Variants in FRK observed in about 807,000 individuals in gnomAD.
FRK encodes tyrosine-protein kinase FRK.
In FRK, 51 loss-of-function variants were observed where a neutral mutation model predicts 56.4. The observed-to-expected ratio is 0.90, with a 90% CI of 0.72 to 1.14. FRK has a LOEUF of 1.14. FRK is among the 50% of genes most tolerant of loss of function. FRK has a pLI of 0.00. For synonymous variants in FRK, 245 were observed against 217.9 expected, an observed-to-expected ratio of 1.12 and a Z score of -1.10; for missense variants, 570 against 601.4, an observed-to-expected ratio of 0.95 and a Z score of 0.55.
chr6:116,057,305 A>G (rs897546619), intron 1 of FRK, among the ~76,000 whole-genome samples: 1 of 152,242 alleles, frequency 6.6e-6, no homozygotes, highest in African/African-American at 2.4e-5. Flanking sequence ...AGACTTTTGA[A>G]AAAACTCACT....
In FRK at chr6:115,956,561, GTTC is replaced by G. The variant is rs755081824; in HGVS notation, c.846_848del (p.Lys282del). 13 of 1,589,528 alleles carry G rather than the reference GTTC, an allele frequency of 8.2e-6. No individual in the cohort carries two copies. Among genetic ancestry groups the G allele is most frequent in the Non-Finnish European group, 4.3e-6 (5 of 1,168,646 alleles). On this transcript the variant is annotated inframe_deletion, in exon 5 of 8. Transcript: ENST00000606080. ...GCTGGATAAGCTTTGGATGTCTTAG[GTTC>G]TTCATTATCTGTGCCTCCCTCAGGA...
At chr6:116,000,380 T>C (rs557252367) in intron 2 of FRK, among the ~76,000 whole-genome samples, 4 of 151,908 alleles carry the variant, frequency 2.6e-5, no homozygotes, top group Admixed American at 6.6e-5. Flanking sequence ...GTAGCTGGAA[T>C]TACAGGTGTG....
the FRK span, among the ~76,000 whole-genome samples, chr6:116,075,097 A>G: frequency 1.8e-4 from 28 of 152,024 alleles, no homozygotes; most frequent in East Asian, 4.1e-3. Flanking sequence ...TCTTTTTCCC[A>G]CTTGCTTGTT....
the FRK span, among the ~76,000 whole-genome samples, chr6:116,095,849 A>T: frequency 6.6e-6 from 1 of 152,222 alleles, no homozygotes; most frequent in Non-Finnish European, 1.5e-5. Context: ...TCTTAGGGGA[A>T]GAGTGTTGCT....
intron 1 of FRK, among the ~76,000 whole-genome samples, chr6:116,058,133 A>T (rs1353894567): frequency 6.6e-6 from 1 of 152,188 alleles, no homozygotes. Flanking sequence ...AAACATTAAT[A>T]TATTATTATT....
upstream of FRK, among the ~76,000 whole-genome samples, chr6:116,065,473 C>A (rs966644314): frequency 6.6e-6 from 1 of 152,208 alleles, no homozygotes; most frequent in Non-Finnish European, 1.5e-5. Context: ...CTTCTGCATA[C>A]CTGTTGACCT....
chr6:115,982,842 C>T (rs1472586648), intron 2 of FRK, among the ~76,000 whole-genome samples: 4 of 151,946 alleles, frequency 2.6e-5, no homozygotes, highest in Admixed American at 6.6e-5. Context: ...GAGGCTGAAG[C>T]GGGTGGATCA....
chr6:116,059,830 A>T, intron 1 of FRK, 138 bp downstream of exon 1: 1 of 722,140 alleles, frequency 1.4e-6, no homozygotes, highest in Non-Finnish European at 2.3e-6. Flanking sequence ...TGTTTCAATT[A>T]GTGGTTTCTT....
At chr6:116,069,138 T>G in the FRK span, among the ~76,000 whole-genome samples, 1 of 152,212 alleles carries the variant, frequency 6.6e-6, no homozygotes, top group African/African-American at 2.4e-5. Context: ...GCAGCAACAT[T>G]ATTTTAGCAA....
At chr6:116,091,489 C>T in the FRK span, among the ~76,000 whole-genome samples, 97 of 152,250 alleles carry the variant, frequency 6.4e-4, 1 homozygote, top group South Asian at 0.019. Flanking sequence ...TAACACTCAC[C>T]GCGAAGGTCC....
Position 115,939,917 on chromosome 6 carries a change from T to A in FRK, c.*2497A>T, listed in dbSNP as rs996436828. Reference sequence around the variant, plus strand: ...TGGCCATATTGCCCAAGGCAATTTATATATTCAGTGCTATCCCCATCAAAC... The same window carrying A: ...TGGCCATATTGCCCAAGGCAATTTAAATATTCAGTGCTATCCCCATCAAAC... On this transcript the variant is annotated 3_prime_UTR_variant, in exon 8 of 8. Coordinates refer to ENST00000606080, the MANE Select transcript of FRK (RefSeq NM_002031.3). 2 of 152,242 alleles carry A rather than the reference T, an allele frequency of 1.3e-5. No individual in the cohort carries two copies. Among genetic ancestry groups the A allele is most frequent in the Non-Finnish European group, 2.9e-5 (2 of 68,054 alleles). 9.4% of individuals were successfully genotyped at this position (152,242 alleles called of 1,614,324 possible).
chr6:115,993,237 C>T (rs1366532023), intron 2 of FRK, among the ~76,000 whole-genome samples: 1 of 151,708 alleles, frequency 6.6e-6, no homozygotes, highest in Non-Finnish European at 1.5e-5. Context: ...TGGAAGTATG[C>T]AGTTATCAAC....
the FRK span, among the ~76,000 whole-genome samples, chr6:116,077,614 A>T: frequency 6.6e-6 from 1 of 152,182 alleles, no homozygotes; most frequent in Non-Finnish European, 1.5e-5. Context: ...TCACATATTC[A>T]TGTGTACATT....
At position 116,060,282 on chromosome 6, in the gene FRK, C is replaced by A; in HGVS notation, c.30G>T (p.Glu10Asp). The change falls in exon 1 of 8, where the codon GAG (glutamate) becomes GAT (aspartate). Residue 10 changes from glutamate (E) to aspartate (D), a missense_variant. Coordinates refer to ENST00000606080, the MANE Select transcript of FRK (RefSeq NM_002031.3). ...AACAGGGGAGATAGGGTTCTAGGTA[C>A]TCCCAGAGCCTCTGACAGATGTTGC... The part of the protein sequence containing the change: MSNICQRLW[E>D]YLEPYLPCLS... The A allele has an allele frequency of 6.2e-7, 1 of 1,613,978 alleles. No homozygotes were observed. The highest frequency in any genetic ancestry group is 1.7e-4 in the Middle Eastern group (1 of 6,036).
chr6:115,961,996 A>C (rs1773388282), intron 4 of FRK, among the ~76,000 whole-genome samples: 1 of 103,074 alleles, frequency 9.7e-6, no homozygotes, highest in Non-Finnish European at 1.9e-5. Context: ...ACTAACGAGC[A>C]AAATCACCAG....
At chr6:116,014,214 A>G (rs1775568081) in intron 1 of FRK, among the ~76,000 whole-genome samples, 1 of 152,216 alleles carries the variant, frequency 6.6e-6, no homozygotes, top group East Asian at 1.9e-4. Context: ...TTAATTTTAT[A>G]CTAACAATAT....
chr6:116,003,334 G>A (rs1441333346), intron 2 of FRK, among the ~76,000 whole-genome samples: 1 of 152,198 alleles, frequency 6.6e-6, no homozygotes, highest in Non-Finnish European at 1.5e-5. Context: ...TAACTACTGA[G>A]TACATTTTCA....
At chr6:115,942,886 T>C in intron 7 of FRK, 134 bp downstream of exon 7, 2 of 870,266 alleles carry the variant, frequency 2.3e-6, no homozygotes, top group Non-Finnish European at 3.5e-6. Flanking sequence ...CATCAAATTT[T>C]ATCTATCAAG....
intron 1 of FRK, among the ~76,000 whole-genome samples, chr6:116,021,215 A>G (rs1775862625): frequency 6.6e-6 from 1 of 151,980 alleles, no homozygotes; most frequent in African/African-American, 2.4e-5. Context: ...CTTGCTTACA[A>G]GTTTACATTA....
Sources: allele counts gnomAD v4.1 joint callset (sites outside exome capture counted in the v4.1 genomes callset), GRCh38; gene constraint gnomAD v4.1.1; transcripts MANE v1.5; gene names NCBI Gene and HGNC (gene_info 2026-07-23, HGNC 2026-07-21).